Variants in MAP4 observed in about 807,000 individuals in gnomAD.
MAP4 encodes the protein microtubule associated protein 4, also known as microtubule-associated protein 4.
Under a neutral mutation model 170.2 loss-of-function variants are expected in MAP4, and 76 were observed. That is an observed-to-expected ratio of 0.45 (90% CI 0.37 to 0.54). The LOEUF is 0.54. Ranked by LOEUF, MAP4 falls within the 20% of genes least tolerant of loss-of-function variation. The pLI is 0.00. For missense variants in MAP4, 2,506 were observed against 2,748.0 expected (o/e 0.91, Z 1.97); for synonymous variants, 909 against 994.5 (o/e 0.91, Z 1.62).
chr3:47,853,121 C>T (rs376401535), intron 20 of MAP4, 42 bp downstream of exon 20: 46 of 1,612,622 alleles, frequency 2.9e-5, no homozygotes, highest in Non-Finnish European at 3.8e-5. Flanking sequence ...CGGCCAGTGG[C>T]AGGGCCCCTG....
chr3:47,867,393 C>T (rs372512287), intron 16 of MAP4, 55 bp from the exon 17 acceptor site: 459 of 1,212,258 alleles, frequency 3.8e-4, no homozygotes, highest in Middle Eastern at 1.3e-3. Flanking sequence ...TGGTTAGAAC[C>T]GACACAGGGA....
At position 47,911,121 on chromosome 3, in the gene MAP4, C is replaced by T. The variant is rs767252889; in HGVS notation, c.3300G>A (p.Pro1100=). 3.5e-5 allele frequency: 54 copies of T among 1,536,118 alleles called. 2 individuals carry two copies. The South Asian group carries it at 4.2e-4, about 12-fold the overall frequency. The stretch of plus-strand genomic sequence containing the variant: ...CTTCAGTTTTAGAGACTGGCTCACT[C>T]GGTATGAGAACAGCCCTTCCGTCCT... ...SQKDGRAVLI[P]SEPVSKTEGM... is the part of the protein sequence containing the mutation. The change falls in exon 9 of 21, where the codon CCG becomes CCA. Residue 1100 remains proline, a synonymous_variant. Transcript: ENST00000683076. This position sits in a 1 kb window ranked among gnomAD's most constrained non-coding sequence, Gnocchi z 4.0.
intron 3 of MAP4, among the ~76,000 whole-genome samples, chr3:47,935,939 C>T (rs1355770807): frequency 1.7e-5 from 1 of 59,280 alleles, no homozygotes; most frequent in East Asian, 4.6e-4. Context: ...ACTTAGTCTC[C>T]AAAAAAAAAA....
At chr3:47,966,391 C>T (rs550835660) in intron 3 of MAP4, among the ~76,000 whole-genome samples, 1 of 151,564 alleles carries the variant, frequency 6.6e-6, no homozygotes, top group Non-Finnish European at 1.5e-5. Flanking sequence ...GGACTACAGG[C>T]GCCTGCCACC....
chr3:48,078,221 A>G (rs1196474677), intron 1 of MAP4, among the ~76,000 whole-genome samples: 2 of 151,988 alleles, frequency 1.3e-5, no homozygotes, highest in Non-Finnish European at 1.5e-5. Flanking sequence ...GCTCACTGCA[A>G]TCTCAAATTC....
At chr3:48,062,269 T>C (rs183173825) in intron 1 of MAP4, among the ~76,000 whole-genome samples, 1,632 of 152,224 alleles carry the variant, frequency 0.011, 29 homozygotes, top group African/African-American at 0.037. Flanking sequence ...CGGAGCAAGA[T>C]GTGCTTTGTT....
intron 3 of MAP4, among the ~76,000 whole-genome samples, chr3:47,957,883 G>A (rs950053387): frequency 6.6e-6 from 1 of 152,200 alleles, no homozygotes; most frequent in East Asian, 1.9e-4. Flanking sequence ...TCAAAGGGTA[G>A]AAGTATGTGC....
intron 1 of MAP4, among the ~76,000 whole-genome samples, chr3:48,043,672 G>A (rs2100122822): frequency 6.6e-6 from 1 of 152,124 alleles, no homozygotes; most frequent in Admixed American, 6.5e-5. Context: ...GCAAAGAAAA[G>A]GCTAGTTAGG....
At chr3:48,035,605 T>A (rs150654461) in intron 1 of MAP4, among the ~76,000 whole-genome samples, 50 of 151,272 alleles carry the variant, frequency 3.3e-4, no homozygotes, top group Non-Finnish European at 6.0e-4. Flanking sequence ...CTGCACTCAC[T>A]CAACAGAGTG....
rs557744789 is a variant in MAP4, at chr3:48,079,709, G to A, written c.-20+9064C>T. 3.9e-5 allele frequency among the ~76,000 whole-genome samples: 6 copies of A among 152,202 alleles called. No individual in the cohort carries two copies. The South Asian group carries it at 1.0e-3, about 26-fold the overall frequency. On this transcript the variant is annotated intron_variant, in intron 1 of 18. Transcript: ENST00000360240. ...CTCACACCTGTAATCCCAGCACTTT[G>A]GGAGGCCAAGGCGGGCGGATCAAGA...
intron 3 of MAP4, among the ~76,000 whole-genome samples, chr3:47,954,389 C>T (rs1293672729): frequency 1.3e-5 from 2 of 152,142 alleles, no homozygotes; most frequent in Non-Finnish European, 2.9e-5. Flanking sequence ...CTTGGCCCAC[C>T]AGGATCTTTG....
At chr3:48,031,285 C>T (rs2100115970) in intron 1 of MAP4, among the ~76,000 whole-genome samples, 1 of 152,170 alleles carries the variant, frequency 6.6e-6, no homozygotes, top group African/African-American at 2.4e-5. Context: ...GGTGCGGTGG[C>T]TCACACCTGT....
chr3:47,928,422 CA>C, intron 3 of MAP4, 72 bp from the exon 4 acceptor site: 2 of 1,442,728 alleles, frequency 1.4e-6, no homozygotes, highest in South Asian at 2.3e-5. Flanking sequence ...GGAATTTCTA[CA>C]AAGTATTACA....
intron 10 of MAP4, among the ~76,000 whole-genome samples, chr3:47,897,891 G>A (rs183943945): frequency 2.7e-5 from 4 of 147,546 alleles, no homozygotes; most frequent in African/African-American, 1.0e-4. Context: ...GCAGTGAGCC[G>A]AGATCCCACC....
chr3:47,915,407 T>C (rs145859696), intron 7 of MAP4, among the ~76,000 whole-genome samples: 58 of 152,288 alleles, frequency 3.8e-4, no homozygotes, highest in African/African-American at 1.3e-3. Context: ...TGAGCCACCA[T>C]GCCCGGTCAA....
At chr3:47,870,763 G>A (rs2090201516) in intron 15 of MAP4, 50 bp downstream of exon 15, 1 of 1,493,244 alleles carries the variant, frequency 6.7e-7, no homozygotes, top group Non-Finnish European at 9.0e-7. Flanking sequence ...GGAAATGGAG[G>A]GGAAGATGCA....
chr3:47,980,000 T>C (rs912215768), intron 2 of MAP4, among the ~76,000 whole-genome samples: 2 of 151,902 alleles, frequency 1.3e-5, no homozygotes, highest in Non-Finnish European at 2.9e-5. Context: ...AATTTTTCAT[T>C]ATTATTATTT....
intron 3 of MAP4, among the ~76,000 whole-genome samples, chr3:47,946,038 C>T (rs2100059640): frequency 6.6e-6 from 1 of 151,766 alleles, no homozygotes; most frequent in African/African-American, 2.4e-5. Context: ...AGGTTCATGC[C>T]ATTCTCCTGC....
chr3:48,034,120 T>C (rs1033600821), intron 1 of MAP4, among the ~76,000 whole-genome samples: 4 of 152,204 alleles, frequency 2.6e-5, no homozygotes, highest in Admixed American at 2.6e-4. Context: ...AGTAGTATTC[T>C]ATTTCACAGA....
Sources: gnomAD v4.1 joint callset for allele counts (sites outside exome capture counted in the v4.1 genomes callset) on GRCh38, gnomAD v4.1.1 for gene constraint, Gnocchi (gnomAD v3.1) non-coding constraint, MANE v1.5 for transcripts, NCBI Gene and HGNC (gene_info 2026-07-23, HGNC 2026-07-21) for gene names.